The following GNAL variants were observed in gnomAD, a reference collection of about 807,000 sequenced individuals.
GNAL encodes the protein guanine nucleotide-binding protein G(olf) subunit alpha.
A neutral mutation model predicts 55.1 loss-of-function variants in GNAL; 18 were observed. The ratio of observed to expected loss-of-function variants is 0.33; its 90% CI spans 0.23 to 0.48. The LOEUF (loss-of-function observed/expected upper bound fraction) is 0.48. Ranked by LOEUF, GNAL falls within the 20% of genes least tolerant of loss-of-function variation. GNAL has a pLI of 0.99. For missense variants in GNAL, 412 were observed against 614.1 expected (o/e 0.67, Z 3.48); for synonymous variants, 253 against 237.0 (o/e 1.07, Z -0.62).
At chr18:11,723,011 C>CAAA (rs61457198) in intron 1 of GNAL, among the ~76,000 whole-genome samples, 1 of 80,000 alleles carries the variant, frequency 1.3e-5, no homozygotes, top group Non-Finnish European at 2.3e-5. Context: ...AACTTCATCT[C>CAAA]AAAAAAAAAA....
chr18:11,754,618 T>C lies in GNAL; in HGVS notation c.624+673T>C, dbSNP rs1473957736. ...TTACATGAGTAGAGAAAAATACTTA[T>C]GGTAGGTAATTGCTTCCATGGGAAT... On this transcript the variant is annotated intron_variant, in intron 4 of 11. Transcript: ENST00000334049. 3.9e-5 allele frequency among the ~76,000 whole-genome samples: 6 copies of C among 152,168 alleles called. No individual in the cohort carries two copies. The South Asian group carries it at 6.2e-4, about 16-fold the overall frequency.
At chr18:11,737,233 C>G (rs2032480368) in intron 1 of GNAL, among the ~76,000 whole-genome samples, 1 of 152,148 alleles carries the variant, frequency 6.6e-6, no homozygotes, top group African/African-American at 2.4e-5. Context: ...AAATATTCAT[C>G]TGAGGACTAC....
At chr18:11,702,583 A>T (rs1199150874) in intron 1 of GNAL, among the ~76,000 whole-genome samples, 2 of 152,208 alleles carry the variant, frequency 1.3e-5, no homozygotes, top group Non-Finnish European at 2.9e-5. Context: ...TAGCACGTCT[A>T]CCACGTCCCA....
In GNAL at chr18:11,884,215, T is replaced by A. The variant is rs117928919; in HGVS notation, c.*3080T>A. The stretch of plus-strand genomic sequence containing the variant: ...GATGCAACCTTTGATGATACATATA[T>A]TTGATAAAAATGAGAAAACAGATTT... On this transcript the variant is annotated 3_prime_UTR_variant, in exon 12 of 12. Transcript: ENST00000334049. The A allele has an allele frequency of 4.2e-4, 217 of 512,910 alleles. No homozygotes were observed. Among genetic ancestry groups the A allele is most frequent in the East Asian group, 3.7e-3 (113 of 30,626 alleles). The allele number at this position is 512,910 out of a possible 1,614,324, so 31.8% of individuals were successfully genotyped here.
At chr18:11,801,484 C>T (rs1320741391) in intron 4 of GNAL, among the ~76,000 whole-genome samples, 10 of 152,102 alleles carry the variant, frequency 6.6e-5, no homozygotes, top group Admixed American at 3.9e-4. Context: ...ACCCGGGAGG[C>T]GGACCTTACA....
chr18:11,794,782 AAAG>A (rs2034333817), intron 4 of GNAL, among the ~76,000 whole-genome samples: 1 of 151,532 alleles, frequency 6.6e-6, no homozygotes, highest in Non-Finnish European at 1.5e-5. Context: ...AAAAAAAAAA[AAAG>A]GACAGGCCAG....
chr18:11,776,619 G>A (rs1174794605), intron 4 of GNAL, among the ~76,000 whole-genome samples: 4 of 150,116 alleles, frequency 2.7e-5, no homozygotes, highest in Admixed American at 6.7e-5. Flanking sequence ...GAGGTGGGAG[G>A]ATTGCTTGAG....
At chr18:11,871,903 C>CTTG (rs770380620) in intron 9 of GNAL, among the ~76,000 whole-genome samples, 1 of 152,190 alleles carries the variant, frequency 6.6e-6, no homozygotes, top group Non-Finnish European at 1.5e-5. Context: ...TTTAAGATTT[C>CTTG]TTGTTGTTGT....
chr18:11,754,404 G>A (rs866307450), intron 4 of GNAL, among the ~76,000 whole-genome samples: 46 of 150,500 alleles, frequency 3.1e-4, no homozygotes, highest in African/African-American at 1.0e-3. Context: ...GCGACAGAGC[G>A]AGACTCCCAT....
intron 1 of GNAL, among the ~76,000 whole-genome samples, chr18:11,715,901 A>C (rs1402335463): frequency 2.6e-5 from 4 of 152,182 alleles, no homozygotes; most frequent in African/African-American, 9.7e-5. Flanking sequence ...AAAAAAGCTC[A>C]ACATCACTGA....
chr18:11,866,062 G>A lies in GNAL; in HGVS notation c.852-1106G>A, dbSNP rs1256289456. On this transcript the variant is annotated intron_variant, in intron 7 of 11. Transcript: ENST00000334049. ...AGAACCCTTCACATGGCCACTGTCA[G>A]GCTGGATAAAAGCCAGCTACATCTC... 2.7e-5 allele frequency among the ~76,000 whole-genome samples: 4 copies of A among 149,942 alleles called. 1 individual carries two copies. Among genetic ancestry groups the A allele is most frequent in the Admixed American group, 1.3e-4 (2 of 15,208 alleles).
chr18:11,882,248 T>C lies in GNAL; in HGVS notation c.*1113T>C. The C allele has an allele frequency of 6.6e-6, 1 of 152,188 alleles. No individual in the cohort carries two copies. The highest frequency in any genetic ancestry group is 1.9e-4 in the East Asian group (1 of 5,196). 9.4% of individuals were successfully genotyped at this position (152,188 alleles called of 1,614,324 possible). On this transcript the variant is annotated 3_prime_UTR_variant, in exon 12 of 12. Coordinates refer to ENST00000334049, the MANE Select transcript of GNAL (RefSeq NM_182978.4). The stretch of plus-strand genomic sequence containing the variant: ...ATCTTTTCAGGGAACCAGGGATTTT[T>C]TTCTCTCTCTCTAGACAATATGTTT...
At chr18:11,775,025 C>T (rs1167479778) in intron 4 of GNAL, among the ~76,000 whole-genome samples, 3 of 152,188 alleles carry the variant, frequency 2.0e-5, no homozygotes, top group Non-Finnish European at 2.9e-5. Context: ...TGCGGCAGAG[C>T]CTGAGTGGCC....
At chr18:11,796,897 G>C (rs902804225) in intron 4 of GNAL, among the ~76,000 whole-genome samples, 23 of 152,094 alleles carry the variant, frequency 1.5e-4, no homozygotes, top group African/African-American at 5.5e-4. Context: ...AAATAATACT[G>C]CATATACATG....
At chr18:11,817,073 T>G (rs1459412128) in intron 4 of GNAL, among the ~76,000 whole-genome samples, 1 of 152,184 alleles carries the variant, frequency 6.6e-6, no homozygotes, top group Admixed American at 6.5e-5. Flanking sequence ...TGTTGGTGGT[T>G]GCATGACTTT....
intron 1 of GNAL, chr18:11,746,957 TA>T: frequency 1.9e-6 from 1 of 526,478 alleles, no homozygotes; most frequent in Non-Finnish European, 3.9e-6. Flanking sequence ...AGTAGGTGAG[TA>T]TTTAATTTCC....
intron 5 of GNAL, among the ~76,000 whole-genome samples, chr18:11,855,876 G>GTGGGCAGATCA (rs2035995496): frequency 7.9e-5 from 12 of 151,390 alleles, no homozygotes; most frequent in African/African-American, 2.7e-4. Flanking sequence ...GGAGGCTGAG[G>GTGGGCAGATCA]CAGGAGAATT....
At chr18:11,801,164 T>C (rs763208120) in intron 4 of GNAL, among the ~76,000 whole-genome samples, 2 of 149,732 alleles carry the variant, frequency 1.3e-5, no homozygotes, top group Non-Finnish European at 3.0e-5. Context: ...GTGCTTGATA[T>C]ACATCAGGAA....
intron 5 of GNAL, 43 bp downstream of exon 5, chr18:11,825,058 AT>A (rs1568044359): frequency 1.0e-6 from 1 of 999,554 alleles, no homozygotes; most frequent in Admixed American, 1.9e-5. Context: ...TTTGAAGAAT[AT>A]GATTGCATGC....
Sources: allele counts gnomAD v4.1 joint callset (sites outside exome capture counted in the v4.1 genomes callset), GRCh38; gene constraint gnomAD v4.1.1; transcripts MANE v1.5; gene names NCBI Gene and HGNC (gene_info 2026-07-23, HGNC 2026-07-21).